The following PIP5K1B variants were observed in gnomAD, a reference collection of about 807,000 sequenced individuals.
PIP5K1B encodes the protein phosphatidylinositol-4-phosphate 5-kinase type 1 beta.
A neutral mutation model predicts 67.0 loss-of-function variants in PIP5K1B; 42 were observed. The observed-to-expected ratio is 0.63, with a 90% CI of 0.49 to 0.81. The LOEUF is 0.81. PIP5K1B is among the 30% of genes least tolerant of loss of function. PIP5K1B has a pLI of 0.00. For synonymous variants in PIP5K1B, 214 were observed against 231.4 expected (o/e 0.92, Z 0.68); for missense variants, 459 against 646.3 (o/e 0.71, Z 3.14).
chr9:68,748,491 A>G (rs771190153), intron 2 of PIP5K1B, among the ~76,000 whole-genome samples: 14 of 152,200 alleles, frequency 9.2e-5, no homozygotes, highest in Non-Finnish European at 1.8e-4. Context: ...TGTATTCTTC[A>G]GACACTCATA....
chr9:68,951,382 A>G (rs10746976), intron 14 of PIP5K1B, among the ~76,000 whole-genome samples: 145,295 of 152,310 alleles, frequency 0.95, 69,691 homozygotes, highest in East Asian at 1. Context: ...AGAATGGTTC[A>G]GACTAAGCAC....
At chr9:68,872,902 C>T (rs980487344) in intron 5 of PIP5K1B, among the ~76,000 whole-genome samples, 1 of 152,190 alleles carries the variant, frequency 6.6e-6, no homozygotes, top group African/African-American at 2.4e-5. Context: ...CTCCTGAAGG[C>T]CATCCAGGTT....
At chr9:68,876,613 C>A (rs868543994) in intron 5 of PIP5K1B, 64 bp from the exon 6 acceptor site, 2 of 871,798 alleles carry the variant, frequency 2.3e-6, no homozygotes, top group African/African-American at 1.7e-5. Flanking sequence ...CTACAATTTG[C>A]GGTCAAAATT....
At chr9:68,998,864 G>A (rs150670469) in intron 15 of PIP5K1B, among the ~76,000 whole-genome samples, 1,683 of 152,286 alleles carry the variant, frequency 0.011, 7 homozygotes, top group Middle Eastern at 0.034. Context: ...TGAATGGCAC[G>A]AGTAGGAGTA....
chr9:68,749,916 C>T (rs1269961285), intron 2 of PIP5K1B, among the ~76,000 whole-genome samples: 1 of 152,204 alleles, frequency 6.6e-6, no homozygotes, highest in Non-Finnish European at 1.5e-5. Flanking sequence ...AAATTAAGTA[C>T]AGCTTAATCC....
At chr9:68,913,648 C>A (rs1825954264) in intron 8 of PIP5K1B, among the ~76,000 whole-genome samples, 1 of 152,022 alleles carries the variant, frequency 6.6e-6, no homozygotes, top group African/African-American at 2.4e-5. Context: ...GTGATTTTTC[C>A]CAACCCAAAC....
chr9:68,917,848 G>A lies in PIP5K1B; in HGVS notation c.983+89G>A. 3.3e-6 allele frequency: 3 copies of A among 914,338 alleles called. No individual in the cohort carries two copies. The South Asian group carries it at 4.4e-5, about 13-fold the overall frequency. The allele number at this position is 914,338 out of a possible 1,614,324, so 56.6% of individuals were successfully genotyped here. ...TAGACAGTCACATTCACCTTAGGGT[G>A]GGACTCTAGGAATTAATTTCTACTT... is the stretch of plus-strand genomic sequence containing the variant. On this transcript the variant is annotated intron_variant, in intron 9 of 15. Transcript: ENST00000265382.
chr9:68,998,061 TTTTTTCTTTTC>T (rs1830670217), intron 15 of PIP5K1B, among the ~76,000 whole-genome samples: 4 of 150,798 alleles, frequency 2.7e-5, no homozygotes, highest in African/African-American at 9.9e-5. Context: ...TCTTTTTTTC[TTTTTTCTTTTC>T]TTTTTTTTTT....
chr9:68,759,799 T>C (rs149547025), intron 2 of PIP5K1B, among the ~76,000 whole-genome samples: 30 of 152,230 alleles, frequency 2.0e-4, no homozygotes, highest in African/African-American at 7.0e-4. Flanking sequence ...CATGCTGAAA[T>C]GTTTTTTGTG....
At chr9:68,932,470 C>A (rs1489776586) in intron 12 of PIP5K1B, among the ~76,000 whole-genome samples, 1 of 152,084 alleles carries the variant, frequency 6.6e-6, no homozygotes, top group Non-Finnish European at 1.5e-5. Flanking sequence ...TAACATCAGT[C>A]AATTTTTAAC....
At chr9:68,778,086 C>T (rs558246775) in intron 2 of PIP5K1B, among the ~76,000 whole-genome samples, 5 of 141,092 alleles carry the variant, frequency 3.5e-5, no homozygotes, top group East Asian at 2.0e-4. Flanking sequence ...ATTAGCCATC[C>T]TTCTCTAATT....
chr9:68,905,820 A>G (rs988093107), intron 8 of PIP5K1B, among the ~76,000 whole-genome samples: 7 of 152,188 alleles, frequency 4.6e-5, no homozygotes, highest in African/African-American at 1.7e-4. Flanking sequence ...TGTGAAAAGT[A>G]AAGTACTTTG....
chr9:68,997,716 G>A (rs757040876), intron 15 of PIP5K1B, among the ~76,000 whole-genome samples: 5 of 152,162 alleles, frequency 3.3e-5, no homozygotes, highest in Non-Finnish European at 7.4e-5. Context: ...CATTGCCCGA[G>A]TCTCACAGCA....
At chr9:68,931,094 C>T (rs1826971935) in intron 12 of PIP5K1B, among the ~76,000 whole-genome samples, 3 of 151,778 alleles carry the variant, frequency 2.0e-5, no homozygotes, top group South Asian at 4.2e-4. Context: ...GTTTTTTAAC[C>T]TTTTTAAATC....
intron 2 of PIP5K1B, among the ~76,000 whole-genome samples, chr9:68,794,096 G>A (rs1413468137): frequency 2.0e-5 from 3 of 152,240 alleles, no homozygotes; most frequent in Non-Finnish European, 4.4e-5. Context: ...GCTGCATTTA[G>A]TGACATAGAG....
At chr9:68,730,438 A>G (rs1828367952) in intron 1 of PIP5K1B, among the ~76,000 whole-genome samples, 1 of 152,222 alleles carries the variant, frequency 6.6e-6, no homozygotes, top group African/African-American at 2.4e-5. Flanking sequence ...ACTAATTGAA[A>G]CTAACATTCA....
chr9:68,820,707 GC>G (rs1799481957), intron 3 of PIP5K1B, among the ~76,000 whole-genome samples: 1 of 152,184 alleles, frequency 6.6e-6, no homozygotes, highest in African/African-American at 2.4e-5. Flanking sequence ...TGTTCTGCAT[GC>G]AGTTTAAGGT....
At chr9:68,768,329 AC>A (rs1338499222) in intron 2 of PIP5K1B, among the ~76,000 whole-genome samples, 7 of 152,158 alleles carry the variant, frequency 4.6e-5, no homozygotes, top group African/African-American at 1.7e-4. Context: ...TATGTGACAC[AC>A]CCCAGGCCCT....
chr9:68,754,140 T>G lies in PIP5K1B; in HGVS notation c.-86+11483T>G, dbSNP rs139563179. Among the ~76,000 whole-genome samples, 619 of 151,908 alleles carry G rather than the reference T, an allele frequency of 4.1e-3. 2 individuals are homozygous for G. Among genetic ancestry groups the G allele is most frequent in the Non-Finnish European group, 6.7e-3 (456 of 67,944 alleles). ...CATTCAGCAGGATGGTGAATCATTT[T>G]ATTAATTTAAGTCTTCTTTTATGTT... On this transcript the variant is annotated intron_variant, in intron 2 of 15. Transcript: ENST00000265382.
Sources: allele counts gnomAD v4.1 joint callset (sites outside exome capture counted in the v4.1 genomes callset), GRCh38; gene constraint gnomAD v4.1.1; transcripts MANE v1.5; gene names NCBI Gene and HGNC (gene_info 2026-07-23, HGNC 2026-07-21).